Variants in AGBL4 observed in about 807,000 individuals in gnomAD.
AGBL4 encodes the protein cytosolic carboxypeptidase 6.
AGBL4 carries 58 observed loss-of-function variants against 66.4 expected under a neutral mutation model. The ratio of observed to expected loss-of-function variants is 0.87; its 90% CI spans 0.71 to 1.09. AGBL4 has a LOEUF of 1.09. Ranked by LOEUF, AGBL4 falls within the 50% of genes least tolerant of loss-of-function variation. The pLI, the probability that AGBL4 is intolerant of heterozygous loss-of-function variation, is 0.00. For synonymous variants in AGBL4, 234 were observed against 222.9 expected, an observed-to-expected ratio of 1.05 and a Z score of -0.44; for missense variants, 579 against 631.0, an observed-to-expected ratio of 0.92 and a Z score of 0.88.
intron 5 of AGBL4, among the ~76,000 whole-genome samples, chr1:48,869,489 G>A (rs1648433165): frequency 6.6e-6 from 1 of 152,148 alleles, no homozygotes; most frequent in Admixed American, 6.6e-5. Context: ...TGGCCTATTT[G>A]TCTGAAATGT....
intron 4 of AGBL4, among the ~76,000 whole-genome samples, chr1:49,234,587 A>C (rs1650572365): frequency 6.6e-6 from 1 of 152,122 alleles, no homozygotes; most frequent in African/African-American, 2.4e-5. Flanking sequence ...GACTATGCCA[A>C]TTTGTTTTTT....
intron 3 of AGBL4, among the ~76,000 whole-genome samples, chr1:49,414,685 G>A (rs1368427407): frequency 5.9e-5 from 9 of 152,116 alleles, no homozygotes; most frequent in Non-Finnish European, 1.2e-4. Context: ...GAAGAATGTA[G>A]GGGGAAAGAA....
At chr1:48,664,208 G>C (rs908072476) in intron 6 of AGBL4, among the ~76,000 whole-genome samples, 3 of 152,182 alleles carry the variant, frequency 2.0e-5, no homozygotes, top group Admixed American at 6.5e-5. Context: ...GCTCCAGAGA[G>C]GGGGAAGCAC....
At chr1:49,126,725 T>G (rs1314335387) in intron 4 of AGBL4, among the ~76,000 whole-genome samples, 1 of 152,128 alleles carries the variant, frequency 6.6e-6, no homozygotes, top group Non-Finnish European at 1.5e-5. Context: ...CTTTCTCAAT[T>G]ATAACATGGT....
chr1:48,848,207 C>T (rs1040122758), intron 6 of AGBL4, among the ~76,000 whole-genome samples: 1 of 152,204 alleles, frequency 6.6e-6, no homozygotes, highest in Non-Finnish European at 1.5e-5. Flanking sequence ...CCACTATTCC[C>T]CTTTCACATC....
intron 6 of AGBL4, among the ~76,000 whole-genome samples, chr1:48,677,086 G>T (rs897507934): frequency 1.2e-4 from 18 of 152,190 alleles, no homozygotes; most frequent in African/African-American, 3.6e-4. Flanking sequence ...AGGATCAGAA[G>T]CCCCAGTAAG....
At chr1:49,008,034 C>A (rs1662013856) in intron 5 of AGBL4, among the ~76,000 whole-genome samples, 1 of 152,092 alleles carries the variant, frequency 6.6e-6, no homozygotes, top group Non-Finnish European at 1.5e-5. Context: ...ACGATATTAA[C>A]TTTAAATGTA....
At chr1:49,498,645 T>C (rs906768902) in intron 3 of AGBL4, among the ~76,000 whole-genome samples, 3 of 151,846 alleles carry the variant, frequency 2.0e-5, no homozygotes, top group Admixed American at 6.6e-5. Context: ...ATGTTGTTCC[T>C]GTTCTTAGAA....
intron 5 of AGBL4, among the ~76,000 whole-genome samples, chr1:48,960,333 T>G (rs947010487): frequency 6.6e-6 from 1 of 152,204 alleles, no homozygotes; most frequent in Non-Finnish European, 1.5e-5. Flanking sequence ...AGAAATTATG[T>G]TTGCTTTTGG....
chr1:49,913,427 C>T (rs1651055383), intron 1 of AGBL4, among the ~76,000 whole-genome samples: 1 of 152,276 alleles, frequency 6.6e-6, no homozygotes, highest in Non-Finnish European at 1.5e-5. Flanking sequence ...ACATGCCCCA[C>T]ATCCAGGGCA....
chr1:49,924,336 G>T (rs534324257), intron 1 of AGBL4, among the ~76,000 whole-genome samples: 5 of 152,118 alleles, frequency 3.3e-5, no homozygotes, highest in African/African-American at 1.2e-4. Context: ...AATAACTAAC[G>T]GGTGCTGGCT....
At chr1:49,219,208 G>A (rs561720724) in intron 4 of AGBL4, among the ~76,000 whole-genome samples, 4 of 152,130 alleles carry the variant, frequency 2.6e-5, no homozygotes, top group Non-Finnish European at 4.4e-5. Flanking sequence ...CCCATCATGG[G>A]ACAACACATT....
intron 3 of AGBL4, among the ~76,000 whole-genome samples, chr1:49,417,021 A>G (rs534915790): frequency 6.6e-6 from 1 of 152,200 alleles, no homozygotes; most frequent in East Asian, 1.9e-4. Flanking sequence ...ATCTTCACGC[A>G]CTTTCACCCA....
chr1:49,568,450 A>G (rs901535776), intron 3 of AGBL4, among the ~76,000 whole-genome samples: 15 of 150,966 alleles, frequency 9.9e-5, no homozygotes, highest in East Asian at 2.0e-4. Context: ...GATCTCCCCA[A>G]TGAGAACTAC....
chr1:49,084,722 T>C (rs1644873259), intron 4 of AGBL4, among the ~76,000 whole-genome samples: 1 of 152,124 alleles, frequency 6.6e-6, no homozygotes, highest in Non-Finnish European at 1.5e-5. Flanking sequence ...GGATCTTCCT[T>C]TTGGCCTCTT....
chr1:48,953,788 C>T (rs1657199575), intron 5 of AGBL4, among the ~76,000 whole-genome samples: 1 of 152,162 alleles, frequency 6.6e-6, no homozygotes, highest in African/African-American at 2.4e-5. Context: ...TAAATTTAGC[C>T]TGTGCTATAG....
At chr1:49,953,386 A>G (rs914270390) in intron 1 of AGBL4, among the ~76,000 whole-genome samples, 23 of 151,964 alleles carry the variant, frequency 1.5e-4, no homozygotes, top group African/African-American at 5.3e-4. Context: ...TCTTCATACA[A>G]AAAACAAAAG....
chr1:48,806,870 AC>A (rs1237423458), intron 6 of AGBL4, among the ~76,000 whole-genome samples: 1 of 152,188 alleles, frequency 6.6e-6, no homozygotes, highest in African/African-American at 2.4e-5. Context: ...AGCGAGGGTT[AC>A]CATATGAACT....
chr1:49,962,593 C>A (rs1256092532), intron 1 of AGBL4, among the ~76,000 whole-genome samples: 1 of 152,062 alleles, frequency 6.6e-6, no homozygotes, highest in Non-Finnish European at 1.5e-5. Flanking sequence ...TGTTTTCATT[C>A]AATAAATACT....
Sources: gnomAD v4.1 joint callset for allele counts (sites outside exome capture counted in the v4.1 genomes callset) on GRCh38, gnomAD v4.1.1 for gene constraint, MANE v1.5 for transcripts, NCBI Gene and HGNC (gene_info 2026-07-23, HGNC 2026-07-21) for gene names.